EPHB2: variants seen among roughly 807,000 people sequenced by gnomAD.
EPHB2 encodes EPH receptor B2, also known as ephrin type-B receptor 2.
EPHB2 carries 18 observed loss-of-function variants against 96.4 expected under a neutral mutation model. The ratio of observed to expected loss-of-function variants is 0.19; its 90% CI spans 0.13 to 0.28. The LOEUF (loss-of-function observed/expected upper bound fraction) is 0.28. EPHB2 is among the 10% of genes least tolerant of loss of function. The pLI is 1.00. For synonymous variants in EPHB2, 506 were observed against 534.1 expected (o/e 0.95, Z 0.72); for missense variants, 989 against 1,355.4 (o/e 0.73, Z 4.25).
intron 3 of EPHB2, among the ~76,000 whole-genome samples, chr1:22,829,481 G>A (rs1325929890): frequency 6.6e-6 from 1 of 152,214 alleles, no homozygotes; most frequent in Non-Finnish European, 1.5e-5. Context: ...GGTCCCCAGA[G>A]GCCTCCCTAC....
At chr1:22,778,939 G>A (rs1385154119) in intron 1 of EPHB2, among the ~76,000 whole-genome samples, 1 of 152,196 alleles carries the variant, frequency 6.6e-6, no homozygotes, top group Non-Finnish European at 1.5e-5. Context: ...TCTAGTGTTT[G>A]GCCTCTGGGT....
At position 22,860,623 on chromosome 1, in the gene EPHB2, G is replaced by A. The variant is rs892760412; in HGVS notation, c.812-2414G>A. On this transcript the variant is annotated intron_variant, in intron 3 of 15. Transcript: ENST00000374630. This position sits in a 1 kb window ranked among gnomAD's most constrained non-coding sequence, Gnocchi z 4.6. ...AGCCACCCACTGGCGGCCCCCCCGG[G>A]AATGCCCCGCAGATGGAGGAGGGAT... Among the ~76,000 whole-genome samples the A allele has an allele frequency of 1.8e-4, 27 of 152,164 alleles. No individual in the cohort carries two copies. Among genetic ancestry groups the A allele is most frequent in the African/African-American group, 6.5e-4 (27 of 41,430 alleles).
intron 3 of EPHB2, among the ~76,000 whole-genome samples, chr1:22,825,394 G>A (rs1036332660): frequency 6.6e-6 from 1 of 152,112 alleles, no homozygotes; most frequent in Admixed American, 6.5e-5. Flanking sequence ...CACTATGACA[G>A]CCACCCTTGG....
chr1:22,843,676 G>A (rs1481082161), intron 3 of EPHB2, among the ~76,000 whole-genome samples: 1 of 152,204 alleles, frequency 6.6e-6, no homozygotes, highest in East Asian at 1.9e-4. Flanking sequence ...GAGTAGCTGG[G>A]ATTACAGCCA....
At chr1:22,896,278 A>G in intron 8 of EPHB2, 136 bp from the exon 9 acceptor site, 1 of 1,079,994 alleles carries the variant, frequency 9.3e-7, no homozygotes, top group Non-Finnish European at 1.4e-6. Flanking sequence ...AAGTGGGGCC[A>G]AAAGGGGCAG....
chr1:22,771,984 A>G (rs1001973594), intron 1 of EPHB2, among the ~76,000 whole-genome samples: 1 of 152,046 alleles, frequency 6.6e-6, no homozygotes, highest in Non-Finnish European at 1.5e-5. Context: ...CTAAAGGAGC[A>G]CTTAATGTGT....
At chr1:22,855,360 C>T (rs909369857) in intron 3 of EPHB2, among the ~76,000 whole-genome samples, 9 of 152,222 alleles carry the variant, frequency 5.9e-5, no homozygotes, top group Admixed American at 3.3e-4. Context: ...CACTTCAAAC[C>T]TGCCACTGCT....
chr1:22,894,040 C>T (rs1570448827), intron 7 of EPHB2, among the ~76,000 whole-genome samples: 2 of 152,310 alleles, frequency 1.3e-5, no homozygotes, highest in African/African-American at 2.4e-5. Flanking sequence ...CAAAAATCCT[C>T]CCTATGGCTC....
chr1:22,894,325 C>T (rs762596277), intron 7 of EPHB2, among the ~76,000 whole-genome samples: 16 of 152,112 alleles, frequency 1.1e-4, no homozygotes, highest in African/African-American at 1.4e-4. Context: ...TAGCTAGGCG[C>T]GGTGGCTCAC....
intron 1 of EPHB2, among the ~76,000 whole-genome samples, chr1:22,752,383 G>A (rs1644077231): frequency 1.3e-5 from 2 of 152,144 alleles, no homozygotes; most frequent in South Asian, 2.1e-4. Flanking sequence ...TGTTATCCCA[G>A]TTACTTGGGA....
chr1:22,804,626 G>A (rs904774004), intron 3 of EPHB2, among the ~76,000 whole-genome samples: 2 of 151,638 alleles, frequency 1.3e-5, no homozygotes, highest in African/African-American at 2.4e-5. Flanking sequence ...GCTCAGTTGG[G>A]CCCCTTCCAG....
chr1:22,788,712 A>T (rs1263064231), intron 3 of EPHB2, among the ~76,000 whole-genome samples: 1 of 151,148 alleles, frequency 6.6e-6, no homozygotes, highest in Non-Finnish European at 1.5e-5. Context: ...GCCAAGAATC[A>T]GCAGGGTTTA....
chr1:22,777,892 G>A (rs1644475164), intron 1 of EPHB2, among the ~76,000 whole-genome samples: 1 of 152,214 alleles, frequency 6.6e-6, no homozygotes, highest in African/African-American at 2.4e-5. Flanking sequence ...ACTAAGTGAG[G>A]ATCTACTTTG....
At chr1:22,868,822 A>C (rs1282250959) in intron 5 of EPHB2, among the ~76,000 whole-genome samples, 1 of 152,132 alleles carries the variant, frequency 6.6e-6, no homozygotes, top group Non-Finnish European at 1.5e-5. Context: ...CATTGTTCTA[A>C]TCTACCATGC....
intron 5 of EPHB2, among the ~76,000 whole-genome samples, chr1:22,871,927 A>G (rs1638682724): frequency 6.6e-6 from 1 of 152,138 alleles, no homozygotes; most frequent in Non-Finnish European, 1.5e-5. Context: ...GAGGCAGGAG[A>G]ATTGCTTGAA....
chr1:22,710,926 C>A lies in EPHB2; in HGVS notation c.-57C>A, dbSNP rs1233983573. On this transcript the variant is annotated 5_prime_UTR_variant, in exon 1 of 16. Transcript: ENST00000374630. The stretch of plus-strand genomic sequence containing the variant: ...CCCCCGAGCCCGGGGCGCGCGCTCC[C>A]GCCCGGGCCGTCCGGGCCCCGCGGC... 1 of 147,610 alleles carries A rather than the reference C, an allele frequency of 6.8e-6. No homozygotes were observed. The highest frequency in any genetic ancestry group is 1.8e-4 in the South Asian group (1 of 5,620). 9.1% of individuals were successfully genotyped at this position (147,610 alleles called of 1,614,324 possible).
At chr1:22,791,251 G>C (rs1184460266) in intron 3 of EPHB2, among the ~76,000 whole-genome samples, 1 of 151,900 alleles carries the variant, frequency 6.6e-6, no homozygotes, top group Non-Finnish European at 1.5e-5. Context: ...AAGCAATGCA[G>C]GTTATTTGTA....
chr1:22,841,860 G>A (rs1206608864), intron 3 of EPHB2, among the ~76,000 whole-genome samples: 1 of 152,154 alleles, frequency 6.6e-6, no homozygotes. Flanking sequence ...ATGCATGCGG[G>A]GTACAGACAG....
At chr1:22,788,733 T>C (rs2493343) in intron 3 of EPHB2, among the ~76,000 whole-genome samples, 1 of 144,868 alleles carries the variant, frequency 6.9e-6, no homozygotes, top group Non-Finnish European at 1.5e-5. Context: ...TTTTGTTTTG[T>C]TTTTTTGTCT....
Sources: gnomAD v4.1 joint callset for allele counts (sites outside exome capture counted in the v4.1 genomes callset) on GRCh38, gnomAD v4.1.1 for gene constraint, Gnocchi (gnomAD v3.1) non-coding constraint, MANE v1.5 for transcripts, NCBI Gene and HGNC (gene_info 2026-07-23, HGNC 2026-07-21) for gene names.